The following FAT3 variants were observed in gnomAD, a reference collection of about 807,000 sequenced individuals.
The protein encoded by FAT3 is protocadherin Fat 3.
A neutral mutation model predicts 310.2 loss-of-function variants in FAT3; 95 were observed. The observed-to-expected ratio is 0.31, with a 90% CI of 0.26 to 0.36. The LOEUF (loss-of-function observed/expected upper bound fraction) is 0.36. Ranked by LOEUF, FAT3 falls within the 10% of genes least tolerant of loss-of-function variation. The probability of loss-of-function intolerance (pLI) is 1.00; values close to 1 mark genes in which losing one functional copy is unlikely to be tolerated. For synonymous variants in FAT3, 2,314 were observed against 2,192.9 expected, an observed-to-expected ratio of 1.06 and a Z score of -1.54; for missense variants, 5,408 against 5,715.6, an observed-to-expected ratio of 0.95 and a Z score of 1.74.
chr11:92,761,724 A>G, intron 4 of FAT3, 132 bp from the exon 5 acceptor site: 1 of 808,324 alleles, frequency 1.2e-6, no homozygotes, highest in Middle Eastern at 3.4e-4. Context: ...ATGAAAAAAG[A>G]GAAGAAAATG....
chr11:92,524,199 A>G (rs2135359797), intron 2 of FAT3, among the ~76,000 whole-genome samples: 1 of 152,302 alleles, frequency 6.6e-6, no homozygotes, highest in Admixed American at 6.5e-5. Context: ...TTACCCTAGG[A>G]GAGCTTTTCA....
intron 2 of FAT3, among the ~76,000 whole-genome samples, chr11:92,503,886 G>C (rs570824983): frequency 6.6e-6 from 1 of 152,076 alleles, no homozygotes; most frequent in African/African-American, 2.4e-5. Flanking sequence ...AAAGGGATTT[G>C]CTTTGTGCTC....
At chr11:92,287,174 A>C (rs1351034660) in intron 1 of FAT3, among the ~76,000 whole-genome samples, 1 of 152,204 alleles carries the variant, frequency 6.6e-6, no homozygotes, top group Non-Finnish European at 1.5e-5. Context: ...AGAACTGAAG[A>C]ATAAAAACAA....
At chr11:92,472,236 A>G (rs2135154189) in intron 2 of FAT3, among the ~76,000 whole-genome samples, 1 of 152,240 alleles carries the variant, frequency 6.6e-6, no homozygotes, top group Non-Finnish European at 1.5e-5. Flanking sequence ...TATATTTAAT[A>G]ACAATCATAT....
intron 2 of FAT3, among the ~76,000 whole-genome samples, chr11:92,419,227 C>G (rs772153767): frequency 6.6e-6 from 1 of 152,154 alleles, no homozygotes; most frequent in Non-Finnish European, 1.5e-5. Flanking sequence ...AATTATAAAA[C>G]AGCTTTCTTA....
intron 19 of FAT3, among the ~76,000 whole-genome samples, chr11:92,849,206 C>G (rs1281629475): frequency 2.0e-5 from 3 of 152,202 alleles, no homozygotes; most frequent in Non-Finnish European, 4.4e-5. Flanking sequence ...ATCCTTGACT[C>G]TCTTATTCAA....
At chr11:92,319,338 A>G (rs1179946206) in intron 1 of FAT3, among the ~76,000 whole-genome samples, 1 of 143,732 alleles carries the variant, frequency 7.0e-6, no homozygotes, top group East Asian at 2.0e-4. Context: ...TTCAACACTG[A>G]ATGATGGGAA....
chr11:92,329,094 CT>C (rs578134941), intron 1 of FAT3, among the ~76,000 whole-genome samples: 31 of 147,898 alleles, frequency 2.1e-4, no homozygotes, highest in Middle Eastern at 3.4e-3. Flanking sequence ...ATCATCCAGA[CT>C]TTTTTTTTTT....
chr11:92,295,455 C>T (rs184486198), intron 1 of FAT3, among the ~76,000 whole-genome samples: 3 of 152,140 alleles, frequency 2.0e-5, no homozygotes, highest in African/African-American at 7.2e-5. Context: ...CGAGCTGTGC[C>T]GTGTCTGAAT....
rs531093520 is a variant in FAT3, at chr11:92,857,371, G to A, written c.11500+23G>A. ...CAGGTGCAGAGTGGAGTGGAATGAT[G>A]CAGATCTAATTTCATATTCCTGAAA... On this transcript the variant is annotated intron_variant, in intron 20 of 27. Coordinates refer to ENST00000525166, the MANE Select transcript of FAT3 (RefSeq NM_001367949.2). 2.2e-5 allele frequency: 35 copies of A among 1,613,042 alleles called. No homozygotes were observed. The South Asian group carries it at 3.5e-4, about 16-fold the overall frequency.
chr11:92,441,077 G>A (rs1951055065), intron 2 of FAT3, among the ~76,000 whole-genome samples: 1 of 152,220 alleles, frequency 6.6e-6, no homozygotes. Flanking sequence ...AAACAGAGAA[G>A]TAATCTAATT....
rs989964135 is a variant in FAT3 at position 92,293,426 on chromosome 11, C to T, written c.-17-58670C>T. ...TTTGCTGAACATTTAGAGTGTATGT[C>T]GATATAAAGAAGAAAATTATAATCA... is the stretch of plus-strand genomic sequence containing the variant. On this transcript the variant is annotated intron_variant, in intron 1 of 27. Coordinates refer to ENST00000525166, the MANE Select transcript of FAT3 (RefSeq NM_001367949.2). Among the ~76,000 whole-genome samples the T allele has an allele frequency of 4.1e-5, 6 of 147,524 alleles. No homozygotes were observed. In the South Asian group the frequency reaches 8.7e-4, roughly 21 times the overall value.
Position 92,801,058 on chromosome 11 carries a change from A to G in FAT3, c.8045A>G (p.Asp2682Gly), listed in dbSNP as rs1279830642. 1.9e-6 allele frequency: 3 copies of G among 1,613,858 alleles called. No individual in the cohort carries two copies. Among genetic ancestry groups the G allele is most frequent in the East Asian group, 2.2e-5 (1 of 44,830 alleles). The change falls in exon 10 of 28, where the codon GAT (aspartate) becomes GGT (glycine). Residue 2682 changes from aspartate to glycine, a missense_variant. Transcript: ENST00000525166. Reference sequence around the variant, plus strand: ...CTTTCGTTCTTTGTCAAAGCAGTAGATGGGGGCATCCCAGTAAAGCACTCC... The same window carrying G: ...CTTTCGTTCTTTGTCAAAGCAGTAGGTGGGGGCATCCCAGTAAAGCACTCC... ...TVLSFFVKAV[D>G]GGIPVKHSLI...
chr11:92,621,620 A>T (rs554227514), intron 3 of FAT3, among the ~76,000 whole-genome samples: 1 of 152,178 alleles, frequency 6.6e-6, no homozygotes, highest in Non-Finnish European at 1.5e-5. Flanking sequence ...GCTCATGGCC[A>T]TCTTGTTTCT....
intron 4 of FAT3, among the ~76,000 whole-genome samples, chr11:92,751,847 C>T (rs1945837106): frequency 6.6e-6 from 1 of 152,066 alleles, no homozygotes; most frequent in East Asian, 1.9e-4. Flanking sequence ...GGCGCAAACC[C>T]GTGTTCTGTC....
intron 1 of FAT3, among the ~76,000 whole-genome samples, chr11:92,290,481 G>A (rs1946661859): frequency 6.6e-6 from 1 of 152,148 alleles, no homozygotes; most frequent in East Asian, 1.9e-4. Context: ...GAGAGGCCAG[G>A]CGTAGTGGCT....
At chr11:92,561,217 T>C (rs1212946967) in intron 3 of FAT3, among the ~76,000 whole-genome samples, 1 of 151,734 alleles carries the variant, frequency 6.6e-6, no homozygotes, top group Non-Finnish European at 1.5e-5. Context: ...AGCTATTCCT[T>C]CAGTATTGAC....
At chr11:92,615,537 G>A (rs550079934) in intron 3 of FAT3, among the ~76,000 whole-genome samples, 2 of 152,182 alleles carry the variant, frequency 1.3e-5, no homozygotes, top group South Asian at 2.1e-4. Context: ...GTAAGCCACC[G>A]CGCCTGACCT....
chr11:92,492,941 A>T (rs776681667), intron 2 of FAT3, among the ~76,000 whole-genome samples: 1 of 152,100 alleles, frequency 6.6e-6, no homozygotes, highest in Non-Finnish European at 1.5e-5. Flanking sequence ...TAAAAGTCAG[A>T]GGTGAAAATA....
Sources: allele counts gnomAD v4.1 joint callset (sites outside exome capture counted in the v4.1 genomes callset), GRCh38; gene constraint gnomAD v4.1.1; transcripts MANE v1.5; gene names NCBI Gene and HGNC (gene_info 2026-07-23, HGNC 2026-07-21).